Variants in SLC22A25 observed in about 807,000 individuals in gnomAD.
SLC22A25 encodes the protein MGI:2442751, MGI:2385316, MGI:3042283, MGI:3645714, MGI:3605624, MGI:2442750.
In SLC22A25, 44 loss-of-function variants were observed where a neutral mutation model predicts 45.9. The observed-to-expected ratio is 0.96, with a 90% CI of 0.75 to 1.23. The LOEUF is 1.23. SLC22A25 is among the 50% of genes most tolerant of loss of function. The probability of loss-of-function intolerance (pLI) is 0.00; values close to 1 mark genes in which losing one functional copy is unlikely to be tolerated. For missense variants in SLC22A25, 800 were observed against 666.4 expected (o/e 1.20, Z -2.21); for synonymous variants, 283 against 238.6 (o/e 1.19, Z -1.72).
rs1035392693 is a variant in SLC22A25 at position 63,230,108 on chromosome 11, A to C, written c.-444-12T>G. Among the ~76,000 whole-genome samples the C allele has an allele frequency of 6.6e-6, 1 of 152,214 alleles. No homozygotes were observed. Among genetic ancestry groups the C allele is most frequent in the Non-Finnish European group, 1.5e-5 (1 of 68,040 alleles). On this transcript the variant is annotated splice_polypyrimidine_tract_variant and intron_variant, in intron 3 of 11. Transcript: ENST00000306494. ...GCTTTTTCTTTTCTCTGTGAAAAGA[A>C]CAGAAAGCAAATGTCTTTCTTGTTA... is the stretch of plus-strand genomic sequence containing the variant.
intron 7 of SLC22A25, among the ~76,000 whole-genome samples, chr11:63,208,717 G>A (rs2089475192): frequency 6.6e-6 from 1 of 152,116 alleles, no homozygotes; most frequent in Non-Finnish European, 1.5e-5. Context: ...GTGACAGGAG[G>A]CATAGATCCC....
chr11:63,185,838 C>A (rs1422455391), intron 7 of SLC22A25, among the ~76,000 whole-genome samples: 1 of 148,726 alleles, frequency 6.7e-6, no homozygotes, highest in African/African-American at 2.5e-5. Context: ...ATGATGATTT[C>A]CAATTTCATC....
intron 11 of SLC22A25, 56 bp downstream of exon 11, chr11:63,164,470 A>C (rs1261523678): frequency 2.1e-6 from 3 of 1,437,842 alleles, no homozygotes; most frequent in African/African-American, 2.8e-5. Flanking sequence ...GTTAAGTGTC[A>C]ATTGGTTGAG....
chr11:63,168,847 C>T (rs568450661), intron 9 of SLC22A25, among the ~76,000 whole-genome samples: 1 of 152,100 alleles, frequency 6.6e-6, no homozygotes, highest in East Asian at 1.9e-4. Flanking sequence ...AGAAGAGCAA[C>T]ACCAAGACAC....
intron 11 of SLC22A25, 29 bp from the exon 12 acceptor site, chr11:63,164,102 A>G: frequency 6.5e-7 from 1 of 1,538,770 alleles, no homozygotes; most frequent in Non-Finnish European, 8.7e-7. Flanking sequence ...ACAGAGGAAA[A>G]GTTGTTAAAA....
At position 63,185,640 on chromosome 11, in the gene SLC22A25, C is replaced by A. The variant is rs2088506445; in HGVS notation, c.831-1823G>T. On this transcript the variant is annotated intron_variant, in intron 7 of 11. Transcript: ENST00000306494. ...CATGTGCCATGCTGGTGCGCTGCAC[C>A]CACTAACTCGTCATCTAGCATTAGG... 4.1e-5 allele frequency among the ~76,000 whole-genome samples: 6 copies of A among 147,106 alleles called. No homozygotes were observed. The South Asian group carries it at 1.3e-3, about 32-fold the overall frequency.
rs773392931 is a variant in SLC22A25, at chr11:63,229,369, T to C, written c.284A>G (p.Gln95Arg). The change falls in exon 4 of 12, where the codon CAG becomes CGG. Residue 95 changes from glutamine (Q) to arginine (R), a missense_variant. By Grantham distance (43) the Gln-to-Arg change is conservative. Coordinates refer to ENST00000306494, the MANE Select transcript of SLC22A25 (RefSeq NM_199352.6). Reference sequence around the variant, plus strand: ...CCCATTCAGATGAATGAGCTTCCACTGGGGATGGACAAAGCGACGACACTT... The same window carrying C: ...CCCATTCAGATGAATGAGCTTCCACCGGGGATGGACAAAGCGACGACACTT... ...PEKCRRFVHP[Q>R]WKLIHLNGTF... 3 of 1,614,070 alleles carry C rather than the reference T, an allele frequency of 1.9e-6. No homozygotes were observed. The highest frequency in any genetic ancestry group is 1.1e-5 in the South Asian group (1 of 91,060).
At chr11:63,239,808 T>C (rs1219941513) in intron 1 of SLC22A25, among the ~76,000 whole-genome samples, 2 of 152,190 alleles carry the variant, frequency 1.3e-5, no homozygotes, top group Non-Finnish European at 2.9e-5. Flanking sequence ...TCACACTGCA[T>C]TTGTGAGAAA....
In SLC22A25 at chr11:63,228,476, C is replaced by T. The variant is rs1471675131; in HGVS notation, c.491G>A (p.Gly164Asp). 1.2e-6 allele frequency: 2 copies of T among 1,612,114 alleles called. No homozygotes were observed. Among genetic ancestry groups the T allele is most frequent in the Non-Finnish European group, 8.5e-7 (1 of 1,178,548 alleles). Residue 164 changes from glycine (G) to aspartate (D), a missense_variant, in exon 5 of 12, where the codon GGC becomes GAC. Gly to Asp is a moderately conservative substitution (Grantham distance 94). Transcript: ENST00000306494. ...AGACACTCACCTGTCTGACAAATGG[C>T]CATATAGGTTGCCTCCCACCATCAT... The part of the protein sequence containing the change: ...AGMMVGGNLY[G>D]HLSDRFGRKF...
chr11:63,185,304 C>T (rs1326180188), intron 7 of SLC22A25, among the ~76,000 whole-genome samples: 2 of 151,842 alleles, frequency 1.3e-5, no homozygotes, highest in Non-Finnish European at 2.9e-5. Context: ...CACCCCACAA[C>T]AGGCCCTGGT....
At chr11:63,179,235 G>A (rs564744609) in intron 9 of SLC22A25, among the ~76,000 whole-genome samples, 3 of 152,144 alleles carry the variant, frequency 2.0e-5, no homozygotes, top group Admixed American at 6.6e-5. Flanking sequence ...GGAATTACAG[G>A]CATGAGCCAC....
At chr11:63,166,640 C>T in intron 9 of SLC22A25, 3 of 1,007,938 alleles carry the variant, frequency 3.0e-6, no homozygotes, top group Non-Finnish European at 3.6e-6. Flanking sequence ...GTCAGTCAAA[C>T]TCACAGTAAA....
intron 7 of SLC22A25, among the ~76,000 whole-genome samples, chr11:63,208,507 C>T (rs759667372): frequency 9.9e-5 from 15 of 152,056 alleles, no homozygotes; most frequent in African/African-American, 2.4e-4. Context: ...TAAACCTACC[C>T]GGGACACGAG....
At chr11:63,233,614 G>GT (rs1314294164) in intron 3 of SLC22A25, among the ~76,000 whole-genome samples, 6 of 152,172 alleles carry the variant, frequency 3.9e-5, no homozygotes, top group African/African-American at 7.2e-5. Context: ...TTTTTGAAGG[G>GT]TTTTTTGTGT....
chr11:63,229,142 A>G (rs2090020051), intron 4 of SLC22A25, 109 bp downstream of exon 4: 3 of 1,155,684 alleles, frequency 2.6e-6, no homozygotes, highest in Non-Finnish European at 3.6e-6. Flanking sequence ...TCCTGAAAGA[A>G]TGAAGAATAA....
intron 5 of SLC22A25, among the ~76,000 whole-genome samples, chr11:63,222,306 C>T (rs2089871129): frequency 6.6e-6 from 1 of 151,968 alleles, no homozygotes; most frequent in South Asian, 2.1e-4. Context: ...TTTATTTCGC[C>T]AACATTTTAG....
At chr11:63,209,445 G>A (rs1590870733) in intron 7 of SLC22A25, among the ~76,000 whole-genome samples, 1 of 152,292 alleles carries the variant, frequency 6.6e-6, no homozygotes, top group East Asian at 1.9e-4. Context: ...GCAGGAGGCA[G>A]AGTCAGGAGC....
chr11:63,172,345 A>G (rs2087918156), intron 9 of SLC22A25, among the ~76,000 whole-genome samples: 1 of 152,210 alleles, frequency 6.6e-6, no homozygotes, highest in Non-Finnish European at 1.5e-5. Flanking sequence ...AACTATCATC[A>G]GAGTGAACAG....
chr11:63,190,089 C>T (rs1335459597), intron 7 of SLC22A25, among the ~76,000 whole-genome samples: 1 of 152,168 alleles, frequency 6.6e-6, no homozygotes, highest in East Asian at 1.9e-4. Context: ...TGAATGTTGG[C>T]CTGCCTTGCT....
Sources: gnomAD v4.1 joint callset for allele counts (sites outside exome capture counted in the v4.1 genomes callset) on GRCh38, gnomAD v4.1.1 for gene constraint, MANE v1.5 for transcripts, NCBI Gene and HGNC (gene_info 2026-07-23, HGNC 2026-07-21) for gene names.